Variants in TRIM50 observed in about 807,000 individuals in gnomAD.
The protein encoded by TRIM50 is tripartite motif containing 50.
A neutral mutation model predicts 44.9 loss-of-function variants in TRIM50; 34 were observed. The observed-to-expected ratio is 0.76, with a 90% CI of 0.58 to 1.01. TRIM50 has a LOEUF of 1.01. Ranked by LOEUF, TRIM50 falls within the 50% of genes least tolerant of loss-of-function variation. The pLI, the probability that TRIM50 is intolerant of heterozygous loss-of-function variation, is 0.00. For missense variants in TRIM50, 633 were observed against 663.7 expected (o/e 0.95, Z 0.51); for synonymous variants, 307 against 291.1 (o/e 1.05, Z -0.56).
At chr7:73,324,914 T>C in intron 1 of TRIM50, 109 bp from the exon 2 acceptor site, 2 of 1,525,718 alleles carry the variant, frequency 1.3e-6, no homozygotes, top group Non-Finnish European at 1.8e-6. Context: ...GGAAACACTT[T>C]GAGTCCTGGA....
At chr7:73,314,444 C>A in intron 6 of TRIM50, 1 of 426,916 alleles carries the variant, frequency 2.3e-6, no homozygotes. Context: ...GAAGCAGAGA[C>A]TGTTGGCCCT....
chr7:73,317,554 C>T (rs1423431314), intron 5 of TRIM50, among the ~76,000 whole-genome samples: 5 of 151,976 alleles, frequency 3.3e-5, no homozygotes, highest in African/African-American at 1.2e-4. Flanking sequence ...GACGGGGTTT[C>T]ACCATGTTGG....
intron 5 of TRIM50, chr7:73,316,899 A>T: frequency 3.2e-6 from 2 of 634,256 alleles, no homozygotes. Context: ...TGGTGCTTCT[A>T]GAGTGCAGGT....
intron 6 of TRIM50, chr7:73,314,186 T>C: frequency 2.6e-6 from 1 of 379,850 alleles, no homozygotes; most frequent in Non-Finnish European, 4.9e-6. Context: ...GCCAAGAAAG[T>C]GGTTTATCCC....
chr7:73,324,894 G>C, intron 1 of TRIM50, 89 bp from the exon 2 acceptor site: 1 of 1,556,468 alleles, frequency 6.4e-7, no homozygotes, highest in African/African-American at 1.4e-5. Flanking sequence ...AGGAGCACCA[G>C]AATTTTAGAG....
At chr7:73,314,246 A>C (rs1327427938) in intron 6 of TRIM50, 118 of 323,116 alleles carry the variant, frequency 3.7e-4, no homozygotes, top group African/African-American at 2.3e-3. Flanking sequence ...CTTCCAGGCC[A>C]AAACGGACCT....
Position 73,313,605 on chromosome 7 carries a change from A to G in TRIM50, c.875-95T>C. 1 of 1,083,432 alleles carries G rather than the reference A, an allele frequency of 9.2e-7. No individual in the cohort carries two copies. Among genetic ancestry groups the G allele is most frequent in the Non-Finnish European group, 1.3e-6 (1 of 777,880 alleles). 67.1% of individuals were successfully genotyped at this position (1,083,432 alleles called of 1,614,324 possible). On this transcript the variant is annotated intron_variant, in intron 6 of 6. Coordinates refer to ENST00000333149, the MANE Select transcript of TRIM50 (RefSeq NM_178125.3). The surrounding 1 kb of genome is among the most constrained non-coding windows in gnomAD (Gnocchi z 4.9). ...TGGAGGCCCTGAACTCCCCAAGGAG[A>G]GGGGCTGTGTCTTCCTCATCTCTCT... is the stretch of plus-strand genomic sequence containing the variant.
chr7:73,315,067 C>T, intron 6 of TRIM50: 1 of 335,232 alleles, frequency 3.0e-6, no homozygotes, highest in East Asian at 8.1e-5. Context: ...TTGGGCTAAG[C>T]TGGTGGAAGC....
At chr7:73,318,557 TCA>T (rs1395381648) in intron 5 of TRIM50, 128 bp downstream of exon 5, 3 of 1,581,810 alleles carry the variant, frequency 1.9e-6, no homozygotes, top group South Asian at 1.1e-5. Flanking sequence ...TTTCCCAGGC[TCA>T]GTTATAGAGC....
chr7:73,327,480 G>GTCAA (rs563606509), intron 1 of TRIM50, among the ~76,000 whole-genome samples: 1,700 of 152,134 alleles, frequency 0.011, 31 homozygotes, highest in African/African-American at 0.034. Flanking sequence ...ACGAGCCTCT[G>GTCAA]TCAATCAATC....
Position 73,313,591 on chromosome 7 carries a change from A to AT in TRIM50, c.875-82_875-81insA. The AT allele has an allele frequency of 8.1e-7, 1 of 1,237,142 alleles. No homozygotes were observed. The highest frequency in any genetic ancestry group is 1.1e-6 in the Non-Finnish European group (1 of 916,658). The allele number at this position is 1,237,142 out of a possible 1,614,324, so 76.6% of individuals were successfully genotyped here. ...CCCACAGAAGCTGATGGAGGCCCTG[A>AT]ACTCCCCAAGGAGAGGGGCTGTGTC... On this transcript the variant is annotated intron_variant, in intron 6 of 6. Coordinates refer to ENST00000333149, the MANE Select transcript of TRIM50 (RefSeq NM_178125.3). The surrounding 1 kb of genome is among the most constrained non-coding windows in gnomAD (Gnocchi z 4.9).
Position 73,328,072 on chromosome 7 carries a change from C to T in TRIM50, c.-191G>A. 1.1e-6 allele frequency: 1 copy of T among 917,518 alleles called. No homozygotes were observed. Among genetic ancestry groups the T allele is most frequent in the Non-Finnish European group, 1.7e-6 (1 of 597,028 alleles). 56.8% of individuals were successfully genotyped at this position (917,518 alleles called of 1,614,324 possible). The stretch of plus-strand genomic sequence containing the variant: ...CCGCCTCGCGCTACCGCGCGTGCCC[C>T]ATCATGCTCTGCGCGCTCCCATTAC... On this transcript the variant is annotated 5_prime_UTR_variant, in exon 1 of 7. The change abolishes an upstream ATG in the 5' untranslated region. Transcript: ENST00000333149.
chr7:73,324,750 C>T lies in TRIM50; in HGVS notation c.38G>A (p.Arg13Gln), dbSNP rs780171194. 1.9e-5 allele frequency: 31 copies of T among 1,613,982 alleles called. No homozygotes were observed. Among genetic ancestry groups the T allele is most frequent in the African/African-American group, 2.7e-5 (2 of 74,904 alleles). Residue 13 changes from arginine to glutamine, a missense_variant, in exon 2 of 7, where the codon CGG becomes CAG. By Grantham distance (43) the Arg-to-Gln change is conservative. Coordinates refer to ENST00000333149, the MANE Select transcript of TRIM50 (RefSeq NM_178125.3). ...WQVSLPELED[R>Q]LQCPICLEVF... The stretch of plus-strand genomic sequence containing the variant: ...CTCCAGGCAGATGGGACACTGAAGC[C>T]GGTCCTCCAGCTCTGGCAGGCTCAC...
chr7:73,314,598 C>T, intron 6 of TRIM50: 1 of 266,088 alleles, frequency 3.8e-6, no homozygotes, highest in Non-Finnish European at 7.4e-6. Flanking sequence ...CCTGTCATCT[C>T]AGCACTTTGG....
intron 2 of TRIM50, among the ~76,000 whole-genome samples, chr7:73,324,099 A>G (rs1399316473): frequency 6.6e-6 from 1 of 152,062 alleles, no homozygotes; most frequent in Non-Finnish European, 1.5e-5. Context: ...GGAAGAGGGA[A>G]GAGGGAAGGA....
Position 73,324,407 on chromosome 7 carries a change from G to A in TRIM50, c.381C>T (p.Thr127=), listed in dbSNP as rs543088756. Residue 127 remains threonine (T), a synonymous_variant, in exon 2 of 7, where the codon ACC becomes ACT. Transcript: ENST00000333149. The stretch of plus-strand genomic sequence containing the variant: ...TCCCCACCTTCATGCGGCTGTAGAC[G>A]GTGGAGACGGGCGTGACCGGGTGGT... ...HQHHPVTPVS[T]VYSRMKEELA... 15 of 1,613,818 alleles carry A rather than the reference G, an allele frequency of 9.3e-6. No homozygotes were observed. The highest frequency in any genetic ancestry group is 4.4e-5 in the South Asian group (4 of 91,062).
intron 2 of TRIM50, among the ~76,000 whole-genome samples, chr7:73,321,666 C>T (rs868932197): frequency 1.3e-5 from 2 of 152,194 alleles, no homozygotes; most frequent in Non-Finnish European, 2.9e-5. Flanking sequence ...GAGCCCCCGT[C>T]GGTTTGTACC....
At chr7:73,319,648 G>A (rs1804446265) in intron 3 of TRIM50, among the ~76,000 whole-genome samples, 1 of 152,230 alleles carries the variant, frequency 6.6e-6, no homozygotes, top group African/African-American at 2.4e-5. Context: ...GAGGGAGGCT[G>A]AGTGCTCCTG....
intron 6 of TRIM50, chr7:73,315,135 T>C (rs1271951726): frequency 7.5e-6 from 2 of 266,940 alleles, no homozygotes; most frequent in Non-Finnish European, 1.5e-5. Flanking sequence ...GGGGAGGCAG[T>C]GTCCTGGGTC....
Sources: gnomAD v4.1 joint callset for allele counts (sites outside exome capture counted in the v4.1 genomes callset) on GRCh38, gnomAD v4.1.1 for gene constraint, Gnocchi (gnomAD v3.1) non-coding constraint, MANE v1.5 for transcripts, NCBI Gene and HGNC (gene_info 2026-07-23, HGNC 2026-07-21) for gene names.